CLK4: variants seen among roughly 807,000 people sequenced by gnomAD.
CLK4 encodes the protein CDC like kinase 4, also known as dual specificity protein kinase CLK4.
In CLK4, 37 loss-of-function variants were observed where a neutral mutation model predicts 64.4. The observed-to-expected ratio is 0.57, with a 90% CI of 0.44 to 0.76. CLK4 has a LOEUF of 0.76. CLK4 is among the 30% of genes least tolerant of loss of function. The pLI is 0.00. For synonymous variants in CLK4, 175 were observed against 191.6 expected, an observed-to-expected ratio of 0.91 and a Z score of 0.72; for missense variants, 457 against 605.1, an observed-to-expected ratio of 0.76 and a Z score of 2.57.
In CLK4 at chr5:178,624,211, G is replaced by A. The variant is rs557311505; in HGVS notation, c.1-795C>T. Reference sequence around the variant, plus strand: ...AAAAAGGTGATTTTAGGCCGGGTACGGTGGCTCATGCCTGTAATCCCAGAA... The same window carrying A: ...AAAAAGGTGATTTTAGGCCGGGTACAGTGGCTCATGCCTGTAATCCCAGAA... On this transcript the variant is annotated intron_variant, in intron 1 of 12. Coordinates refer to ENST00000316308, the MANE Select transcript of CLK4 (RefSeq NM_020666.3). 5.6e-4 allele frequency among the ~76,000 whole-genome samples: 85 copies of A among 152,300 alleles called. 1 individual carries two copies. The highest frequency in any genetic ancestry group is 2.0e-3 in the African/African-American group (82 of 41,548).
chr5:178,625,570 T>G (rs1562132135), intron 1 of CLK4, among the ~76,000 whole-genome samples: 2 of 152,332 alleles, frequency 1.3e-5, no homozygotes, highest in East Asian at 1.9e-4. Flanking sequence ...AAATCACATC[T>G]GATGACCGAG....
chr5:178,613,565 C>G lies in CLK4; in HGVS notation c.734G>C (p.Ser245Thr), dbSNP rs1342900517. The G allele has an allele frequency of 6.2e-7, 1 of 1,612,930 alleles. No homozygotes were observed. The highest frequency in any genetic ancestry group is 1.7e-5 in the Admixed American group (1 of 59,722). The change falls in exon 7 of 13, where the codon AGT becomes ACT. Residue 245 changes from serine (S) to threonine (T), a missense_variant. Coordinates refer to ENST00000316308, the MANE Select transcript of CLK4 (RefSeq NM_020666.3). ...GTTTTCTTTAATGAAATCGTAAGTA[C>G]TAAGTCCCAGTAGTTCAAACACAAT... ...VCIVFELLGL[S>T]TYDFIKENSF...
At chr5:178,607,865 C>T (rs777426297) in intron 10 of CLK4, among the ~76,000 whole-genome samples, 3 of 152,092 alleles carry the variant, frequency 2.0e-5, no homozygotes, top group East Asian at 1.9e-4. Context: ...CACTATACTG[C>T]GATAACTTTC....
At chr5:178,620,136 T>C (rs568155543) in intron 2 of CLK4, 93 of 298,954 alleles carry the variant, frequency 3.1e-4, no homozygotes, top group African/African-American at 1.4e-3. Flanking sequence ...CCCGGTTCTC[T>C]TTCCCTAGCA....
intron 1 of CLK4, among the ~76,000 whole-genome samples, chr5:178,624,399 A>T (rs1562131713): frequency 2.0e-5 from 3 of 152,374 alleles, no homozygotes; most frequent in Admixed American, 1.3e-4. Flanking sequence ...TAACCTTAAA[A>T]TCTATTTGTA....
At chr5:178,622,528 T>C (rs1320042467) in intron 2 of CLK4, 2 of 488,106 alleles carry the variant, frequency 4.1e-6, no homozygotes, top group Non-Finnish European at 5.3e-6. Context: ...GAGTGAAAAC[T>C]TACCTAGCCT....
At chr5:178,611,162 CA>C (rs1246967931) in intron 9 of CLK4, among the ~76,000 whole-genome samples, 1 of 151,860 alleles carries the variant, frequency 6.6e-6, no homozygotes, top group African/African-American at 2.4e-5. Context: ...TTTGATATAC[CA>C]ATAACAAAGA....
At position 178,624,968 on chromosome 5, in the gene CLK4, C is replaced by G. The variant is rs146601103; in HGVS notation, c.1-1552G>C. 7.9e-5 allele frequency among the ~76,000 whole-genome samples: 12 copies of G among 152,286 alleles called. No homozygotes were observed. In the East Asian group the frequency reaches 2.3e-3, roughly 29 times the overall value. ...AATTCTATACCCATCAAGCATCCTT[C>G]TAAGGTGGCTCTCAGCTCACTTTAC... On this transcript the variant is annotated intron_variant, in intron 1 of 12. Coordinates refer to ENST00000316308, the MANE Select transcript of CLK4 (RefSeq NM_020666.3).
At chr5:178,620,977 G>A (rs980553232) in intron 2 of CLK4, among the ~76,000 whole-genome samples, 2 of 152,136 alleles carry the variant, frequency 1.3e-5, no homozygotes, top group African/African-American at 2.4e-5. Flanking sequence ...AAATTCATAT[G>A]GCACTTTTAG....
chr5:178,610,236 G>A (rs1764537757), intron 9 of CLK4, among the ~76,000 whole-genome samples: 1 of 151,920 alleles, frequency 6.6e-6, no homozygotes, highest in African/African-American at 2.4e-5. Context: ...GTTGCAGTGA[G>A]CCGAGATCGT....
rs190557749 is a variant in CLK4, at chr5:178,614,899, T to C, written c.543-1056A>G. Among the ~76,000 whole-genome samples the C allele has an allele frequency of 1.4e-4, 22 of 152,320 alleles. No homozygotes were observed. The East Asian group carries it at 4.2e-3, about 29-fold the overall frequency. The stretch of plus-strand genomic sequence containing the variant: ...GCTTCTACTCCTATCTATTTAATTA[T>C]ATGACCAAAAAGTTTTCTCAGTGCT... On this transcript the variant is annotated intron_variant, in intron 5 of 12. Transcript: ENST00000316308.
At chr5:178,624,435 G>T (rs1764751995) in intron 1 of CLK4, among the ~76,000 whole-genome samples, 1 of 152,168 alleles carries the variant, frequency 6.6e-6, no homozygotes, top group Admixed American at 6.5e-5. Flanking sequence ...CTCTGAAAAA[G>T]AACTCAACCT....
At chr5:178,612,212 C>T (rs1304684620) in intron 9 of CLK4, among the ~76,000 whole-genome samples, 1 of 152,174 alleles carries the variant, frequency 6.6e-6, no homozygotes, top group African/African-American at 2.4e-5. Flanking sequence ...ATAACCACCA[C>T]CTGGAATATC....
intron 5 of CLK4, among the ~76,000 whole-genome samples, chr5:178,615,691 C>T (rs1406380077): frequency 6.6e-6 from 1 of 152,066 alleles, no homozygotes; most frequent in African/African-American, 2.4e-5. Context: ...TTAATATTTA[C>T]AACAGGTTGG....
chr5:178,609,411 G>A (rs772344002), intron 9 of CLK4, among the ~76,000 whole-genome samples: 6 of 152,146 alleles, frequency 3.9e-5, no homozygotes, highest in African/African-American at 9.7e-5. Flanking sequence ...GGCCAGGCGC[G>A]GTGGCTCATG....
At chr5:178,619,555 C>T (rs1764675699) in intron 2 of CLK4, among the ~76,000 whole-genome samples, 1 of 152,124 alleles carries the variant, frequency 6.6e-6, no homozygotes, top group African/African-American at 2.4e-5. Context: ...ACCCTACTTC[C>T]CTTTGCATTT....
chr5:178,611,386 A>T (rs112382364), intron 9 of CLK4, among the ~76,000 whole-genome samples: 413 of 152,328 alleles, frequency 2.7e-3, no homozygotes, highest in African/African-American at 9.1e-3. Context: ...CAATATGGTA[A>T]CCACTAGCCA....
At position 178,623,358 on chromosome 5, in the gene CLK4, T is replaced by A; in HGVS notation, c.59A>T (p.His20Leu). 6.2e-7 allele frequency: 1 copy of A among 1,614,140 alleles called. No homozygotes were observed. Among genetic ancestry groups the A allele is most frequent in the South Asian group, 1.1e-5 (1 of 91,080 alleles). Residue 20 changes from histidine (H) to leucine (L), a missense_variant, in exon 2 of 13, where the codon CAT becomes CTT. Transcript: ENST00000316308. The stretch of plus-strand genomic sequence containing the variant: ...CTTGTGACTTCCACGATAGCTTTCA[T>A]GTCCCCAGCTTTCTCTGCTATCCCA... ...PDWDSRESWG[H>L]ESYRGSHKRK...
Position 178,603,720 on chromosome 5 carries a change from A to C in CLK4, c.1343T>G (p.Leu448Arg). ...MLCHDEEHEK[L>R]FDLVRRMLEY... ...TAACATTCTTCGAACCAGGTCAAAC[A>C]GTTTCTCATGTTCTTCATCATGACA... Residue 448 changes from leucine to arginine, a missense_variant, in exon 13 of 13, where the codon CTG becomes CGG. By Grantham distance (102) the Leu-to-Arg change is moderately radical. Coordinates refer to ENST00000316308, the MANE Select transcript of CLK4 (RefSeq NM_020666.3). The C allele has an allele frequency of 2.5e-6, 4 of 1,602,756 alleles. No individual in the cohort carries two copies. Among genetic ancestry groups the C allele is most frequent in the African/African-American group, 1.3e-5 (1 of 74,358 alleles).
Sources: gnomAD v4.1 joint callset for allele counts (sites outside exome capture counted in the v4.1 genomes callset) on GRCh38, gnomAD v4.1.1 for gene constraint, MANE v1.5 for transcripts, NCBI Gene and HGNC (gene_info 2026-07-23, HGNC 2026-07-21) for gene names.